CCDC30: variants seen among roughly 807,000 people sequenced by gnomAD.
The protein encoded by CCDC30 is coiled-coil domain-containing protein 30.
CCDC30 carries 70 observed loss-of-function variants against 100.2 expected under a neutral mutation model. That is an observed-to-expected ratio of 0.70 (90% CI 0.58 to 0.85). The LOEUF (loss-of-function observed/expected upper bound fraction) is 0.85, where lower values mean the gene tolerates loss of function less well. CCDC30 is among the 40% of genes least tolerant of loss of function. CCDC30 has a pLI of 0.00. For synonymous variants in CCDC30, 233 were observed against 269.5 expected, an observed-to-expected ratio of 0.86 and a Z score of 1.33; for missense variants, 652 against 771.2, an observed-to-expected ratio of 0.85 and a Z score of 1.83.
At chr1:42,586,537 T>C (rs1646073595) in intron 9 of CCDC30, among the ~76,000 whole-genome samples, 1 of 152,074 alleles carries the variant, frequency 6.6e-6, no homozygotes, top group Non-Finnish European at 1.5e-5. Flanking sequence ...ACTCCTGGCC[T>C]CAGGTGATCC....
rs141629111 is a variant in CCDC30 at position 42,522,372 on chromosome 1, T to C, written c.456+23456T>C. Among the ~76,000 whole-genome samples the C allele has an allele frequency of 1.0e-3, 154 of 152,244 alleles. 2 individuals are homozygous for C. Among genetic ancestry groups the C allele is most frequent in the African/African-American group, 3.6e-3 (148 of 41,562 alleles). On this transcript the variant is annotated intron_variant, in intron 6 of 16. Transcript: ENST00000668663. ...TAATTACAGAAAAGGGGGGTCTTAC[T>C]TCTGTCATTTTGCTATTTGTCTTCT...
At chr1:42,538,156 A>C (rs1644943141) in intron 6 of CCDC30, among the ~76,000 whole-genome samples, 3 of 49,940 alleles carry the variant, frequency 6.0e-5, no homozygotes, top group African/African-American at 8.8e-5. Flanking sequence ...CCACAAAAAA[A>C]AAAAAAAAAA....
chr1:42,625,261 G>T (rs1646910717), intron 11 of CCDC30, among the ~76,000 whole-genome samples: 2 of 151,942 alleles, frequency 1.3e-5, no homozygotes, highest in South Asian at 4.2e-4. Flanking sequence ...TATTTATTTG[G>T]ATCTTCTCTT....
At chr1:42,599,071 A>G (rs1646350238) in intron 10 of CCDC30, among the ~76,000 whole-genome samples, 1 of 152,208 alleles carries the variant, frequency 6.6e-6, no homozygotes, top group Non-Finnish European at 1.5e-5. Context: ...TTGGAGAATA[A>G]ATTAGTGAAG....
intron 6 of CCDC30, among the ~76,000 whole-genome samples, chr1:42,502,571 A>G (rs1305483577): frequency 1.3e-5 from 2 of 152,198 alleles, no homozygotes; most frequent in Non-Finnish European, 2.9e-5. Flanking sequence ...TGGGAGCTGT[A>G]GACTGGAGCT....
chr1:42,558,679 C>T (rs1476581853), intron 6 of CCDC30, among the ~76,000 whole-genome samples: 1 of 151,984 alleles, frequency 6.6e-6, no homozygotes, highest in Non-Finnish European at 1.5e-5. Flanking sequence ...GATTGGAGTA[C>T]CAGAAGGAGA....
intron 6 of CCDC30, among the ~76,000 whole-genome samples, chr1:42,504,511 G>A (rs1644368147): frequency 6.6e-6 from 1 of 152,200 alleles, no homozygotes; most frequent in African/African-American, 2.4e-5. Context: ...TCTGTCTGCA[G>A]CACCATTTGG....
chr1:42,649,287 A>T (rs1466281733), intron 15 of CCDC30, among the ~76,000 whole-genome samples: 2 of 152,240 alleles, frequency 1.3e-5, no homozygotes, highest in Non-Finnish European at 2.9e-5. Flanking sequence ...GAATACAAGG[A>T]TGGCTCAACA....
At chr1:42,501,609 A>G (rs1438376359) in intron 6 of CCDC30, among the ~76,000 whole-genome samples, 1 of 152,066 alleles carries the variant, frequency 6.6e-6, no homozygotes, top group African/African-American at 2.4e-5. Flanking sequence ...GTCTTTGATG[A>G]TGGTGATGTA....
At chr1:42,476,874 T>C (rs1643887915) in intron 1 of CCDC30, among the ~76,000 whole-genome samples, 1 of 142,724 alleles carries the variant, frequency 7.0e-6, no homozygotes, top group Non-Finnish European at 1.5e-5. Context: ...CAAGAGTTCG[T>C]TGATGGAAGT....
At chr1:42,568,210 G>A (rs775246999) in intron 7 of CCDC30, among the ~76,000 whole-genome samples, 11 of 152,142 alleles carry the variant, frequency 7.2e-5, no homozygotes, top group Non-Finnish European at 1.6e-4. Flanking sequence ...CACCTCCCAG[G>A]TTCAAGAGAT....
chr1:42,602,792 AG>A (rs1373054567), intron 10 of CCDC30, among the ~76,000 whole-genome samples: 1 of 152,206 alleles, frequency 6.6e-6, no homozygotes, highest in African/African-American at 2.4e-5. Context: ...TAATTCTATG[AG>A]GCTGGAATTC....
chr1:42,613,317 C>G (rs529876713), intron 11 of CCDC30, among the ~76,000 whole-genome samples: 2 of 152,110 alleles, frequency 1.3e-5, no homozygotes, highest in Non-Finnish European at 2.9e-5. Context: ...TGCAGTGGCA[C>G]GATCTCGGCT....
At chr1:42,468,409 G>T (rs922631594) in intron 1 of CCDC30, among the ~76,000 whole-genome samples, 4 of 151,986 alleles carry the variant, frequency 2.6e-5, no homozygotes, top group Non-Finnish European at 4.4e-5. Flanking sequence ...GCAAGAAAGG[G>T]GGCATCACAT....
chr1:42,654,061 AG>A (rs1252945691), exon 17 of CCDC30: 14 of 1,526,958 alleles, frequency 9.2e-6, no homozygotes, highest in Non-Finnish European at 1.3e-5. Context: ...ACTGAACAAA[AG>A]TGGTAATTTA....
chr1:42,459,795 A>T (rs1189739185), upstream of CCDC30: 1 of 1,614,204 alleles, frequency 6.2e-7, no homozygotes, highest in Non-Finnish European at 8.5e-7. Flanking sequence ...CTTTGTGTTT[A>T]TTGTAACCAA....
chr1:42,492,723 C>A (rs569441198), intron 4 of CCDC30, among the ~76,000 whole-genome samples: 1 of 152,222 alleles, frequency 6.6e-6, no homozygotes, highest in East Asian at 1.9e-4. Context: ...CCTCAGCTCA[C>A]TGCAACCTCT....
chr1:42,491,944 T>G (rs1644150167), intron 4 of CCDC30: 6 of 822,692 alleles, frequency 7.3e-6, no homozygotes, highest in South Asian at 4.1e-5. Context: ...GTGTTTGAAG[T>G]GAGTCTTGCT....
At chr1:42,622,936 C>T (rs1265248617) in intron 11 of CCDC30, among the ~76,000 whole-genome samples, 2 of 152,098 alleles carry the variant, frequency 1.3e-5, no homozygotes, top group South Asian at 2.1e-4. Flanking sequence ...AACTGGGGTG[C>T]GATGACCTCT....
Sources: gnomAD v4.1 joint callset for allele counts (sites outside exome capture counted in the v4.1 genomes callset) on GRCh38, gnomAD v4.1.1 for gene constraint, MANE v1.5 for transcripts, NCBI Gene and HGNC (gene_info 2026-07-23, HGNC 2026-07-21) for gene names.